Variants in TMEM196 observed in about 807,000 individuals in gnomAD.
The protein encoded by TMEM196 is transmembrane protein 196.
Under a neutral mutation model 20.0 loss-of-function variants are expected in TMEM196, and 17 were observed. That is an observed-to-expected ratio of 0.85 (90% CI 0.58 to 1.27). The LOEUF is 1.27. Among genes scored for constraint, TMEM196 ranks in the 50% most tolerant of loss-of-function variants. TMEM196 has a pLI of 0.00. For synonymous variants in TMEM196, 113 were observed against 88.9 expected (o/e 1.27, Z -1.52); for missense variants, 267 against 223.0 (o/e 1.20, Z -1.26).
intron 1 of TMEM196, among the ~76,000 whole-genome samples, chr7:19,764,648 C>T (rs1785554435): frequency 6.6e-6 from 1 of 152,124 alleles, no homozygotes; most frequent in Non-Finnish European, 1.5e-5. Context: ...AATTTGTTGT[C>T]ATGTGCTATA....
chr7:19,753,377 C>T (rs1015060343), intron 1 of TMEM196, among the ~76,000 whole-genome samples: 4 of 152,254 alleles, frequency 2.6e-5, no homozygotes, highest in South Asian at 2.1e-4. Flanking sequence ...TTTCTTACCC[C>T]TTCCCAAACC....
rs1783750963 is a variant in TMEM196, at chr7:19,719,611, A to C, written c.*2517T>G. The C allele has an allele frequency of 6.6e-6, 1 of 152,128 alleles. No homozygotes were observed. Among genetic ancestry groups the C allele is most frequent in the South Asian group, 2.1e-4 (1 of 4,826 alleles). The allele number at this position is 152,128 out of a possible 1,614,324, so 9.4% of individuals were successfully genotyped here. A position where few individuals can be genotyped will look rare whatever the true frequency, so the allele number is the denominator to read the frequency against. ...AAGGGTAGGCTCATACTAAAACTATAAGGTAGTCACTTAAAACATTCCAGC... is the reference window on the plus strand; with the variant it reads ...AAGGGTAGGCTCATACTAAAACTATCAGGTAGTCACTTAAAACATTCCAGC... On this transcript the variant is annotated 3_prime_UTR_variant, in exon 5 of 5. Transcript: ENST00000405844.
intron 1 of TMEM196, among the ~76,000 whole-genome samples, chr7:19,769,640 C>T (rs952191057): frequency 1.3e-5 from 2 of 152,044 alleles, no homozygotes. Context: ...ACAATCAGCC[C>T]TTTATATTCC....
At chr7:19,763,298 G>T (rs1027911168) in intron 1 of TMEM196, among the ~76,000 whole-genome samples, 1 of 152,120 alleles carries the variant, frequency 6.6e-6, no homozygotes, top group Non-Finnish European at 1.5e-5. Context: ...TGCCATTGCT[G>T]TTATCAACAT....
chr7:19,747,358 C>T (rs1002376076), intron 1 of TMEM196, among the ~76,000 whole-genome samples: 47 of 152,056 alleles, frequency 3.1e-4, no homozygotes, highest in Non-Finnish European at 2.4e-4. Context: ...GGTTAAACCT[C>T]TTTACAGTTG....
chr7:19,729,846 T>A (rs1342251070), intron 1 of TMEM196, among the ~76,000 whole-genome samples: 2 of 152,206 alleles, frequency 1.3e-5, no homozygotes, highest in Non-Finnish European at 2.9e-5. Context: ...AATCAAAAGA[T>A]AATGCATCAG....
At chr7:19,738,979 A>C (rs1278621029) in intron 1 of TMEM196, among the ~76,000 whole-genome samples, 3 of 152,132 alleles carry the variant, frequency 2.0e-5, no homozygotes, top group Non-Finnish European at 4.4e-5. Flanking sequence ...GAGACTGAAC[A>C]AACACCACCT....
At chr7:19,724,161 G>C (rs1783907003) in intron 4 of TMEM196, 119 bp downstream of exon 4, 1 of 903,064 alleles carries the variant, frequency 1.1e-6, no homozygotes, top group Non-Finnish European at 1.7e-6. Flanking sequence ...GCGATACTTT[G>C]AGAAACAACA....
chr7:19,749,896 C>T (rs745997290), intron 1 of TMEM196, among the ~76,000 whole-genome samples: 9 of 152,190 alleles, frequency 5.9e-5, no homozygotes, highest in Non-Finnish European at 1.2e-4. Flanking sequence ...TCTGGCATAA[C>T]TATACTACTC....
At chr7:19,761,073 A>G (rs866081688) in intron 1 of TMEM196, among the ~76,000 whole-genome samples, 14 of 152,150 alleles carry the variant, frequency 9.2e-5, no homozygotes, top group Admixed American at 1.3e-4. Context: ...TAATCCCTGC[A>G]GGTCCCACTC....
At chr7:19,739,903 A>G (rs912511278) in intron 1 of TMEM196, among the ~76,000 whole-genome samples, 1 of 152,130 alleles carries the variant, frequency 6.6e-6, no homozygotes, top group African/African-American at 2.4e-5. Context: ...CTTATAGATA[A>G]ATTGATTACT....
intron 1 of TMEM196, among the ~76,000 whole-genome samples, chr7:19,760,931 G>C (rs767700733): frequency 8.5e-5 from 13 of 152,172 alleles, no homozygotes; most frequent in Admixed American, 2.0e-4. Context: ...GAGTCCCGCA[G>C]AGCTTTCTTC....
In TMEM196 at chr7:19,773,348, C is replaced by T. The variant is rs1785969971; in HGVS notation, c.-652G>A. 6.5e-6 allele frequency: 1 copy of T among 154,704 alleles called. No homozygotes were observed. The highest frequency in any genetic ancestry group is 1.5e-5 in the Non-Finnish European group (1 of 68,486). 9.6% of individuals were successfully genotyped at this position (154,704 alleles called of 1,614,324 possible). ...AGAAAAAGCGACCTTGTCTGATGGCCTCTTTCCGTCTGGGTTTCTTCTCCC... is the reference window on the plus strand; with the variant it reads ...AGAAAAAGCGACCTTGTCTGATGGCTTCTTTCCGTCTGGGTTTCTTCTCCC... On this transcript the variant is annotated 5_prime_UTR_variant, in exon 1 of 5. Transcript: ENST00000405844.
At chr7:19,769,056 C>T (rs934448372) in intron 1 of TMEM196, among the ~76,000 whole-genome samples, 46 of 149,424 alleles carry the variant, frequency 3.1e-4, no homozygotes, top group African/African-American at 1.1e-3. Context: ...GCAGCTTTTA[C>T]TTCCACTGAC....
At chr7:19,736,903 C>A (rs187443348) in intron 1 of TMEM196, among the ~76,000 whole-genome samples, 1 of 151,872 alleles carries the variant, frequency 6.6e-6, no homozygotes, top group Admixed American at 6.6e-5. Flanking sequence ...ATTTTTTCCC[C>A]AAGTCTCTAA....
At chr7:19,759,776 C>A (rs1785362161) in intron 1 of TMEM196, among the ~76,000 whole-genome samples, 1 of 152,082 alleles carries the variant, frequency 6.6e-6, no homozygotes, top group African/African-American at 2.4e-5. Context: ...TAATACATCC[C>A]CTCTATAATG....
At chr7:19,723,482 C>T (rs539208657) in intron 4 of TMEM196, among the ~76,000 whole-genome samples, 2 of 151,934 alleles carry the variant, frequency 1.3e-5, no homozygotes, top group South Asian at 4.1e-4. Flanking sequence ...TAAAATGTTA[C>T]AAAAAAAGAA....
intron 1 of TMEM196, among the ~76,000 whole-genome samples, chr7:19,756,087 C>T (rs563835416): frequency 2.5e-4 from 36 of 143,878 alleles, no homozygotes; most frequent in African/African-American, 8.9e-4. Context: ...TTCTTTTGAT[C>T]AAAAAAAAAA....
rs115528352 is a variant in TMEM196 at position 19,770,431 on chromosome 7, C to T, written c.147+2119G>A. Among the ~76,000 whole-genome samples, 378 of 152,210 alleles carry T rather than the reference C, an allele frequency of 2.5e-3. 4 individuals are homozygous for T. The highest frequency in any genetic ancestry group is 8.9e-3 in the African/African-American group (369 of 41,510). ...TGAGACTGTACCATAAATGATTTCC[C>T]CAAAATAATTTAGAAACTACTTAGC... On this transcript the variant is annotated intron_variant, in intron 1 of 4. Transcript: ENST00000405844.
Sources: allele counts gnomAD v4.1 joint callset (sites outside exome capture counted in the v4.1 genomes callset), GRCh38; gene constraint gnomAD v4.1.1; transcripts MANE v1.5; gene names NCBI Gene and HGNC (gene_info 2026-07-23, HGNC 2026-07-21).